Variants in USH2A observed in about 807,000 individuals in gnomAD.
The protein encoded by USH2A is usherin, also known as Usher syndrome 2A (autosomal recessive, mild).
Under a neutral mutation model 538.9 loss-of-function variants are expected in USH2A, and 443 were observed. That is an observed-to-expected ratio of 0.82 (90% CI 0.76 to 0.89). The LOEUF is 0.89. Ranked by LOEUF, USH2A falls within the 40% of genes least tolerant of loss-of-function variation. USH2A has a pLI of 0.00. For synonymous variants in USH2A, 2,413 were observed against 2,273.5 expected (o/e 1.06, Z -1.75); for missense variants, 6,633 against 6,324.8 (o/e 1.05, Z -1.65).
intron 20 of USH2A, among the ~76,000 whole-genome samples, chr1:216,178,889 A>T (rs1303765950): frequency 2.0e-5 from 3 of 152,178 alleles, no homozygotes; most frequent in Admixed American, 6.6e-5. Flanking sequence ...ATGATTCATG[A>T]CTACCATACT....
At chr1:216,410,923 A>G (rs1254265566) in intron 3 of USH2A, among the ~76,000 whole-genome samples, 1 of 152,170 alleles carries the variant, frequency 6.6e-6, no homozygotes, top group Non-Finnish European at 1.5e-5. Context: ...TGAAAATACC[A>G]TAACAACCCT....
At chr1:216,050,833 C>T (rs373705131) in intron 30 of USH2A, among the ~76,000 whole-genome samples, 11 of 151,630 alleles carry the variant, frequency 7.3e-5, no homozygotes, top group Admixed American at 1.3e-4. Flanking sequence ...TCTCGATCTC[C>T]TGACCTCGTG....
chr1:216,019,403 T>C (rs1668792079), intron 32 of USH2A, among the ~76,000 whole-genome samples: 1 of 152,168 alleles, frequency 6.6e-6, no homozygotes, highest in East Asian at 1.9e-4. Context: ...AATAATTTTG[T>C]AGTAATTTTG....
intron 16 of USH2A, among the ~76,000 whole-genome samples, chr1:216,202,275 T>C (rs1209127483): frequency 6.6e-6 from 1 of 152,222 alleles, no homozygotes; most frequent in East Asian, 1.9e-4. Context: ...GTTTGTAGCA[T>C]CTGAAAAGTG....
At chr1:215,970,555 T>TA in intron 36 of USH2A, 70 bp downstream of exon 36, 1 of 1,603,342 alleles carries the variant, frequency 6.2e-7, no homozygotes, top group South Asian at 1.1e-5. Context: ...CACCGCCACT[T>TA]ACTTCTTCCT....
intron 47 of USH2A, among the ~76,000 whole-genome samples, chr1:215,823,979 T>C (rs1663086471): frequency 6.6e-6 from 1 of 152,134 alleles, no homozygotes; most frequent in South Asian, 2.1e-4. Context: ...TAAAACTGTT[T>C]GAATTCTTGG....
intron 41 of USH2A, among the ~76,000 whole-genome samples, chr1:215,885,990 C>T (rs141136748): frequency 1.1e-3 from 168 of 152,270 alleles, no homozygotes; most frequent in African/African-American, 3.8e-3. Context: ...AAAATGTAAT[C>T]GCCATGAGCC....
chr1:215,647,764 G>A, intron 66 of USH2A, 34 bp from the exon 67 acceptor site: 1 of 1,608,364 alleles, frequency 6.2e-7, no homozygotes. Flanking sequence ...AGTCAAGACG[G>A]GTAATGGAAT....
intron 3 of USH2A, among the ~76,000 whole-genome samples, chr1:216,389,631 A>C (rs1474920403): frequency 6.6e-6 from 1 of 152,168 alleles, no homozygotes; most frequent in Non-Finnish European, 1.5e-5. Context: ...TTAATTTCTA[A>C]AGGAGATTTA....
intron 49 of USH2A, among the ~76,000 whole-genome samples, chr1:215,812,437 T>C (rs916237693): frequency 1.3e-4 from 20 of 152,194 alleles, no homozygotes; most frequent in African/African-American, 4.1e-4. Flanking sequence ...GATGAACCCA[T>C]CAGGTGATTG....
At chr1:215,813,257 T>A (rs1428953342) in intron 49 of USH2A, among the ~76,000 whole-genome samples, 1 of 152,166 alleles carries the variant, frequency 6.6e-6, no homozygotes. Flanking sequence ...CTTCCTTCCC[T>A]TGCCTGACTT....
At chr1:215,648,331 C>T (rs901163639) in intron 66 of USH2A, among the ~76,000 whole-genome samples, 197 bp downstream of exon 66, 2 of 152,198 alleles carry the variant, frequency 1.3e-5, no homozygotes, top group African/African-American at 4.8e-5. Context: ...TTAAATACAT[C>T]GCAGGTAACA....
At chr1:215,679,212 T>TCCTGCTG (rs1395937217) in intron 62 of USH2A, among the ~76,000 whole-genome samples, 1 of 152,230 alleles carries the variant, frequency 6.6e-6, no homozygotes, top group African/African-American at 2.4e-5. Context: ...GCACGTAATT[T>TCCTGCTG]CCTGCTGTCA....
intron 38 of USH2A, among the ~76,000 whole-genome samples, chr1:215,923,133 C>G (rs1051105365): frequency 1.3e-5 from 2 of 152,088 alleles, no homozygotes; most frequent in Non-Finnish European, 2.9e-5. Flanking sequence ...TCTCTAAATG[C>G]TCTCTACTTG....
rs419767 is a variant in USH2A, at chr1:216,217,133, C to T, written c.3157+254G>A. ...TGGGAAAACCTAGGACTTTAATCAC[C>T]TCATTGTTGATTTCACTCCAAAAAA... On this transcript the variant is annotated intron_variant, in intron 15 of 71. Coordinates refer to ENST00000307340, the MANE Select transcript of USH2A (RefSeq NM_206933.4). Among the ~76,000 whole-genome samples, 147,772 of 152,184 alleles carry T rather than the reference C, an allele frequency of 0.97. 71,782 individuals carry two copies. The highest frequency in any genetic ancestry group is 1 in the East Asian group (5,168 of 5,168).
In USH2A at chr1:216,289,416, T is replaced by C. The variant is rs1243130310; in HGVS notation, c.1841-6A>G. 1 of 1,613,728 alleles carries C rather than the reference T, an allele frequency of 6.2e-7. No individual in the cohort carries two copies. Among genetic ancestry groups the C allele is most frequent in the Non-Finnish European group, 8.5e-7 (1 of 1,179,760 alleles). On this transcript the variant is annotated splice_region_variant and splice_polypyrimidine_tract_variant and intron_variant, in intron 10 of 71. Transcript: ENST00000307340. ...GCACAGCTCACAGTTCCTTCCTGCATCAGGGAAAGGTTATGCATTATGACT... is the reference window on the plus strand; with the variant it reads ...GCACAGCTCACAGTTCCTTCCTGCACCAGGGAAAGGTTATGCATTATGACT...
Position 216,402,390 on chromosome 1 carries a change from T to C in USH2A, c.651+16124A>G, listed in dbSNP as rs141380035. Among the ~76,000 whole-genome samples the C allele has an allele frequency of 2.7e-3, 409 of 152,180 alleles. 1 individual carries two copies. Among genetic ancestry groups the C allele is most frequent in the African/African-American group, 9.2e-3 (384 of 41,578 alleles). ...TCAAAAACATAGAACTGAATGCACA[T>C]GAAAATATAGCTGACCTTTGAACAA... On this transcript the variant is annotated intron_variant, in intron 3 of 71. Coordinates refer to ENST00000307340, the MANE Select transcript of USH2A (RefSeq NM_206933.4).
intron 3 of USH2A, among the ~76,000 whole-genome samples, chr1:216,398,200 GC>G (rs1257301982): frequency 6.6e-6 from 1 of 152,122 alleles, no homozygotes. Flanking sequence ...AGATGGAGCA[GC>G]CTTATTCCTC....
chr1:216,343,432 C>A (rs867310534), intron 4 of USH2A, among the ~76,000 whole-genome samples: 46 of 147,998 alleles, frequency 3.1e-4, no homozygotes, highest in Middle Eastern at 3.5e-3. Flanking sequence ...CCCAGCTATG[C>A]AGTAGGCTAT....
Sources: gnomAD v4.1 joint callset for allele counts (sites outside exome capture counted in the v4.1 genomes callset) on GRCh38, gnomAD v4.1.1 for gene constraint, MANE v1.5 for transcripts, NCBI Gene and HGNC (gene_info 2026-07-23, HGNC 2026-07-21) for gene names.